The following URB1 variants were observed in gnomAD, a reference collection of about 807,000 sequenced individuals.
URB1 encodes the protein nucleolar pre-ribosomal-associated protein 1.
Under a neutral mutation model 242.3 loss-of-function variants are expected in URB1, and 197 were observed. That is an observed-to-expected ratio of 0.81 (90% CI 0.72 to 0.91). URB1 has a LOEUF of 0.91. Ranked by LOEUF, URB1 falls within the 40% of genes least tolerant of loss-of-function variation. The pLI, the probability that URB1 is intolerant of heterozygous loss-of-function variation, is 0.00. For synonymous variants in URB1, 1,153 were observed against 1,201.8 expected (o/e 0.96, Z 0.84); for missense variants, 2,721 against 2,860.5 (o/e 0.95, Z 1.11).
At chr21:32,374,086 G>C (rs555048058) in intron 6 of URB1, among the ~76,000 whole-genome samples, 1 of 152,232 alleles carries the variant, frequency 6.6e-6, no homozygotes, top group Non-Finnish European at 1.5e-5. Context: ...TGAAGCATAA[G>C]CCTTTTCCAC....
chr21:32,361,785 A>C, intron 12 of URB1, 107 bp downstream of exon 12: 1 of 1,436,806 alleles, frequency 7.0e-7, no homozygotes, highest in Non-Finnish European at 9.2e-7. Flanking sequence ...GGTGCCTTGA[A>C]ACAAAAACTG....
intron 8 of URB1, among the ~76,000 whole-genome samples, chr21:32,371,592 C>T (rs2033406470): frequency 6.6e-6 from 1 of 152,136 alleles, no homozygotes; most frequent in Non-Finnish European, 1.5e-5. Flanking sequence ...AGAAAAACTC[C>T]CACCATGTTA....
Position 32,337,387 on chromosome 21 carries a change from A to G in URB1, c.4621+17T>C, listed in dbSNP as rs752763281. 12 of 1,544,966 alleles carry G rather than the reference A, an allele frequency of 7.8e-6. 1 individual carries two copies. The South Asian group carries it at 1.4e-4, about 18-fold the overall frequency. On this transcript the variant is annotated intron_variant, in intron 27 of 38. Coordinates refer to ENST00000382751, the MANE Select transcript of URB1 (RefSeq NM_014825.3). ...CTCCCTCCCCCTGCTCACACTACCC[A>G]GCCCTCACACCCTCACCTAGGACGC...
chr21:32,325,248 C>T lies in URB1; in HGVS notation c.5102G>A (p.Arg1701Gln), dbSNP rs1180935876. 3.2e-6 allele frequency: 5 copies of T among 1,551,352 alleles called. No individual in the cohort carries two copies. Among genetic ancestry groups the T allele is most frequent in the Admixed American group, 2.0e-5 (1 of 50,978 alleles). ...ACTTACCTGGGACTGCTCTTGGAAC[C>T]GTGCGCCCTCCAAGTGCGAGTAGTA... ...AAYYSHLEGA[R>Q]FQEQSQLLYL... The change falls in exon 31 of 39, where the codon CGG (arginine) becomes CAG (glutamine). Residue 1701 changes from arginine to glutamine, a missense_variant. Physicochemically the swap from Arg to Gln is conservative, Grantham distance 43. Coordinates refer to ENST00000382751, the MANE Select transcript of URB1 (RefSeq NM_014825.3).
Position 32,347,057 on chromosome 21 carries a change from C to T in URB1, c.3767G>A (p.Gly1256Asp). Reference sequence around the variant, plus strand: ...GTCCCCCTGGAGGCCGAGCCCTGGGCCAGCCTGCAGGCACCACTGCTCGAA... The same window carrying T: ...GTCCCCCTGGAGGCCGAGCCCTGGGTCAGCCTGCAGGCACCACTGCTCGAA... ...LWFEQWCLQA[G>D]PGLGLQGDLD... Residue 1256 changes from glycine to aspartate, a missense_variant, in exon 22 of 39, where the codon GGC (glycine) becomes GAC (aspartate). Transcript: ENST00000382751. 6.5e-7 allele frequency: 1 copy of T among 1,550,276 alleles called. No individual in the cohort carries two copies. Among genetic ancestry groups the T allele is most frequent in the Non-Finnish European group, 8.7e-7 (1 of 1,146,332 alleles).
chr21:32,378,729 C>T (rs1014381927), intron 4 of URB1, among the ~76,000 whole-genome samples, 188 bp from the exon 5 acceptor site: 1 of 152,132 alleles, frequency 6.6e-6, no homozygotes, highest in East Asian at 1.9e-4. Context: ...AAATTTTTTC[C>T]GTTCTCTTTC....
intron 5 of URB1, 106 bp downstream of exon 5, chr21:32,378,339 C>A: frequency 1.0e-6 from 1 of 1,004,314 alleles, no homozygotes; most frequent in South Asian, 1.5e-5. Context: ...CTGGTGTACA[C>A]AGCAACTGCA....
rs73190621 is a variant in URB1, at chr21:32,362,140, G to A, written c.1510-119C>T. 0.024 allele frequency: 30,678 copies of A among 1,272,860 alleles called. 475 individuals carry two copies. The highest frequency in any genetic ancestry group is 0.029 in the Non-Finnish European group (27,459 of 940,432). The allele number at this position is 1,272,860 out of a possible 1,614,324, so 78.8% of individuals were successfully genotyped here. On this transcript the variant is annotated intron_variant, in intron 11 of 38. Transcript: ENST00000382751. ...GGGGGGTGCGAGTCTAGAGGAGTGC[G>A]TGTAAGAAGGAGAGGGAAGAGTGGT...
intron 4 of URB1, 135 bp from the exon 5 acceptor site, chr21:32,378,676 G>C (rs141328214): frequency 2.8e-6 from 2 of 718,142 alleles, no homozygotes; most frequent in Admixed American, 2.4e-5. Context: ...GTCACCAGGG[G>C]ATGCAAGTCT....
At chr21:32,392,320 T>A (rs2033648356) in intron 1 of URB1, among the ~76,000 whole-genome samples, 2 of 152,206 alleles carry the variant, frequency 1.3e-5, no homozygotes, top group South Asian at 4.1e-4. Flanking sequence ...TTCTAGTAGC[T>A]TGTTACAAGT....
chr21:32,335,039 C>T lies in URB1; in HGVS notation c.4686-705G>A, dbSNP rs138531158. Among the ~76,000 whole-genome samples the T allele has an allele frequency of 7.5e-3, 1,148 of 152,266 alleles. 20 individuals are homozygous for T. Among genetic ancestry groups the T allele is most frequent in the African/African-American group, 0.025 (1,053 of 41,552 alleles). ...TGCTGCTGCCCCGCTGCTGCCAGGCCGCTCCCCAGAGCCCAGCTGTGACGA... is the reference window on the plus strand; with the variant it reads ...TGCTGCTGCCCCGCTGCTGCCAGGCTGCTCCCCAGAGCCCAGCTGTGACGA... On this transcript the variant is annotated intron_variant, in intron 28 of 38. Coordinates refer to ENST00000382751, the MANE Select transcript of URB1 (RefSeq NM_014825.3).
chr21:32,365,196 A>G (rs1436396877), intron 10 of URB1, among the ~76,000 whole-genome samples: 4 of 152,170 alleles, frequency 2.6e-5, no homozygotes, highest in African/African-American at 7.2e-5. Context: ...TGTAATCCCA[A>G]CACTTTGGGA....
chr21:32,353,455 G>A (rs1292668166), intron 18 of URB1, among the ~76,000 whole-genome samples: 5 of 152,148 alleles, frequency 3.3e-5, no homozygotes, highest in South Asian at 2.1e-4. Context: ...ACCACAGCAT[G>A]GTCTAGAAAC....
intron 15 of URB1, among the ~76,000 whole-genome samples, chr21:32,356,254 G>A (rs2033219022): frequency 6.6e-6 from 1 of 152,162 alleles, no homozygotes; most frequent in Non-Finnish European, 1.5e-5. Context: ...CGGGTTAGTG[G>A]TGGTGCGCAC....
chr21:32,340,376 C>A (rs1395788326), intron 25 of URB1, among the ~76,000 whole-genome samples: 1 of 152,204 alleles, frequency 6.6e-6, no homozygotes. Flanking sequence ...CTTTGGGAGG[C>A]CGAGGCAGGT....
rs1360366693 is a variant in URB1 at position 32,313,862 on chromosome 21, TTAAGAG to T, written c.*1050_*1055del. 1 of 152,164 alleles carries T rather than the reference TTAAGAG, an allele frequency of 6.6e-6. No homozygotes were observed. Among genetic ancestry groups the T allele is most frequent in the Admixed American group, 6.6e-5 (1 of 15,264 alleles). The allele number at this position is 152,164 out of a possible 1,614,324, so 9.4% of individuals were successfully genotyped here. ...TACAACCCCAACTAATATATGACCA[TTAAGAG>T]TAAAATTCTGACCTTTAAAATAAAT... On this transcript the variant is annotated 3_prime_UTR_variant, in exon 39 of 39. Transcript: ENST00000382751.
chr21:32,324,701 C>T (rs1187226088), intron 31 of URB1, 99 bp from the exon 32 acceptor site: 4 of 851,302 alleles, frequency 4.7e-6, no homozygotes, highest in Non-Finnish European at 7.5e-6. Flanking sequence ...GCAGGGTGTG[C>T]CTGCTTCTCA....
intron 30 of URB1, among the ~76,000 whole-genome samples, chr21:32,331,074 A>T (rs1051421568): frequency 2.6e-5 from 4 of 152,242 alleles, no homozygotes; most frequent in Non-Finnish European, 1.5e-5. Flanking sequence ...CAGGATGAAT[A>T]GTGGAACAAT....
In URB1 at chr21:32,334,287, C is replaced by G. The variant is rs143781762; in HGVS notation, c.4733G>C (p.Arg1578Pro). 8.4e-6 allele frequency: 13 copies of G among 1,551,544 alleles called. No individual in the cohort carries two copies. The African/African-American group carries it at 1.4e-4, about 16-fold the overall frequency. ...CTGCCACAGTGACCTGCCCAGGCTC[C>G]GGCACGTCTTGTGATGCTCCACGGC... ...PAAVEHHKTC[R>P]SLGRSLWQQP... Residue 1578 changes from arginine (R) to proline (P), a missense_variant, in exon 29 of 39, where the codon CGG becomes CCG. Physicochemically the swap from Arg to Pro is moderately radical, Grantham distance 103. Transcript: ENST00000382751.
Sources: allele counts gnomAD v4.1 joint callset (sites outside exome capture counted in the v4.1 genomes callset), GRCh38; gene constraint gnomAD v4.1.1; transcripts MANE v1.5; gene names NCBI Gene and HGNC (gene_info 2026-07-23, HGNC 2026-07-21).